The following ATP13A4 variants were observed in gnomAD, a reference collection of about 807,000 sequenced individuals.
ATP13A4 encodes probable cation-transporting ATPase 13A4.
In ATP13A4, 114 loss-of-function variants were observed where a neutral mutation model predicts 142.5. The observed-to-expected ratio is 0.80, with a 90% CI of 0.69 to 0.93. ATP13A4 has a LOEUF of 0.93. Among genes scored for constraint, ATP13A4 ranks in the 40% least tolerant of loss-of-function variants. The pLI is 0.00. For synonymous variants in ATP13A4, 488 were observed against 514.8 expected (o/e 0.95, Z 0.70); for missense variants, 1,392 against 1,454.0 (o/e 0.96, Z 0.69).
At chr3:193,459,832 A>C (rs1017980274) in intron 13 of ATP13A4, among the ~76,000 whole-genome samples, 1 of 152,176 alleles carries the variant, frequency 6.6e-6, no homozygotes, top group Non-Finnish European at 1.5e-5. Context: ...CTCATTTTAG[A>C]TAAGAACATA....
intron 2 of ATP13A4, among the ~76,000 whole-genome samples, chr3:193,569,816 T>C (rs560478474): frequency 6.6e-6 from 1 of 151,992 alleles, no homozygotes; most frequent in Non-Finnish European, 1.5e-5. Context: ...ATTACAGGTA[T>C]GAACCACTTC....
chr3:193,517,053 T>C (rs1014400809), intron 1 of ATP13A4, among the ~76,000 whole-genome samples: 1 of 152,186 alleles, frequency 6.6e-6, no homozygotes, highest in Non-Finnish European at 1.5e-5. Context: ...AAAGATTAAA[T>C]TAGTTTCCCA....
chr3:193,571,016 G>A (rs1005988575), intron 2 of ATP13A4, among the ~76,000 whole-genome samples: 3 of 152,262 alleles, frequency 2.0e-5, no homozygotes, highest in Admixed American at 6.5e-5. Context: ...GGTAGCTCAT[G>A]CCTGTAATCC....
chr3:193,472,690 G>A (rs1298675767), intron 8 of ATP13A4, among the ~76,000 whole-genome samples: 1 of 152,132 alleles, frequency 6.6e-6, no homozygotes, highest in Non-Finnish European at 1.5e-5. Flanking sequence ...TTAAATGTGT[G>A]GGTGGAAGAC....
intron 1 of ATP13A4, among the ~76,000 whole-genome samples, chr3:193,538,295 G>A (rs1424409435): frequency 6.6e-6 from 1 of 152,126 alleles, no homozygotes; most frequent in Non-Finnish European, 1.5e-5. Context: ...ACTATTTCCA[G>A]CAAGTGAAAC....
intron 1 of ATP13A4, among the ~76,000 whole-genome samples, chr3:193,585,331 A>T (rs1013192897): frequency 6.6e-6 from 1 of 152,066 alleles, no homozygotes; most frequent in African/African-American, 2.4e-5. Flanking sequence ...AAGGCAGGAG[A>T]ATCACTTGAA....
At chr3:193,546,152 A>T (rs948474022) in intron 1 of ATP13A4, among the ~76,000 whole-genome samples, 1 of 152,028 alleles carries the variant, frequency 6.6e-6, no homozygotes, top group African/African-American at 2.4e-5. Flanking sequence ...AAAATATTAA[A>T]ATTGACTCAG....
chr3:193,532,328 C>G (rs368698074), intron 1 of ATP13A4, among the ~76,000 whole-genome samples: 13 of 150,474 alleles, frequency 8.6e-5, no homozygotes, highest in African/African-American at 3.2e-4. Flanking sequence ...CAATGCTATT[C>G]CTATACTTTG....
At chr3:193,459,996 C>G (rs1717858877) in intron 13 of ATP13A4, among the ~76,000 whole-genome samples, 1 of 152,148 alleles carries the variant, frequency 6.6e-6, no homozygotes, top group African/African-American at 2.4e-5. Flanking sequence ...AAATGTGCAG[C>G]ACAGGCGTTG....
intron 8 of ATP13A4, among the ~76,000 whole-genome samples, chr3:193,475,957 T>C (rs1718940195): frequency 6.6e-6 from 1 of 152,020 alleles, no homozygotes; most frequent in African/African-American, 2.4e-5. Context: ...AATCTCTTCC[T>C]GTCATTGAGA....
chr3:193,428,851 T>C (rs1048092163), intron 25 of ATP13A4, among the ~76,000 whole-genome samples: 3 of 150,712 alleles, frequency 2.0e-5, no homozygotes, highest in Admixed American at 6.6e-5. Flanking sequence ...AAGGACGAGT[T>C]AATGGGGGCA....
chr3:193,578,450 G>A (rs1166902863), intron 2 of ATP13A4, among the ~76,000 whole-genome samples: 1 of 152,108 alleles, frequency 6.6e-6, no homozygotes, highest in Non-Finnish European at 1.5e-5. Flanking sequence ...GGTTCTCTCA[G>A]TATGAAAAAT....
chr3:193,510,955 A>C (rs1721110545), intron 2 of ATP13A4, among the ~76,000 whole-genome samples: 1 of 152,212 alleles, frequency 6.6e-6, no homozygotes, highest in South Asian at 2.1e-4. Context: ...ATGTCATTTT[A>C]ATGCAAATAA....
At chr3:193,471,785 T>TTGCC in intron 8 of ATP13A4, among the ~76,000 whole-genome samples, 1 of 152,322 alleles carries the variant, frequency 6.6e-6, no homozygotes, top group East Asian at 1.9e-4. Flanking sequence ...TGCTTCCTGA[T>TTGCC]TGCCTGCCTG....
intron 18 of ATP13A4, among the ~76,000 whole-genome samples, chr3:193,444,574 T>C (rs374141163): frequency 1.6e-4 from 25 of 152,246 alleles, no homozygotes; most frequent in African/African-American, 6.0e-4. Context: ...CTCATGTTCT[T>C]TAACTCTTCC....
At chr3:193,442,005 T>C (rs1414812884) in intron 19 of ATP13A4, among the ~76,000 whole-genome samples, 1 of 152,128 alleles carries the variant, frequency 6.6e-6, no homozygotes, top group Non-Finnish European at 1.5e-5. Context: ...TGAATGAAAC[T>C]TTTTTCTCAC....
At chr3:193,487,739 A>G (rs1469471354) in intron 7 of ATP13A4, among the ~76,000 whole-genome samples, 1 of 152,190 alleles carries the variant, frequency 6.6e-6, no homozygotes, top group Non-Finnish European at 1.5e-5. Context: ...ATAAGCATAC[A>G]TACTTGTTAT....
At chr3:193,558,961 T>G (rs1356225565), upstream of ATP13A4, among the ~76,000 whole-genome samples, 1 of 152,204 alleles carries the variant, frequency 6.6e-6, no homozygotes, top group Non-Finnish European at 1.5e-5. Flanking sequence ...CTTAGGAGCA[T>G]GCCTGTTGTT....
At position 193,480,950 on chromosome 3, in the gene ATP13A4, A is replaced by G. The variant is rs114057744; in HGVS notation, c.808+2986T>C. 6.1e-3 allele frequency among the ~76,000 whole-genome samples: 924 copies of G among 152,354 alleles called. 11 individuals carry two copies. Among genetic ancestry groups the G allele is most frequent in the African/African-American group, 0.021 (892 of 41,586 alleles). ...TAACATGGAATACCATACAGACATA[A>G]AAAATGAAATAATGGCATTTGCAGC... On this transcript the variant is annotated intron_variant, in intron 8 of 29. Coordinates refer to ENST00000342695, the MANE Select transcript of ATP13A4 (RefSeq NM_032279.4).
Sources: allele counts gnomAD v4.1 joint callset (sites outside exome capture counted in the v4.1 genomes callset), GRCh38; gene constraint gnomAD v4.1.1; transcripts MANE v1.5; gene names NCBI Gene and HGNC (gene_info 2026-07-23, HGNC 2026-07-21).